GSG1L: variants seen among roughly 807,000 people sequenced by gnomAD.
GSG1L encodes germ cell-specific gene 1-like protein.
Under a neutral mutation model 42.1 loss-of-function variants are expected in GSG1L, and 24 were observed. The observed-to-expected ratio is 0.57, with a 90% CI of 0.41 to 0.80. The LOEUF is 0.80. Among genes scored for constraint, GSG1L ranks in the 30% least tolerant of loss-of-function variants. The pLI is 0.00. For synonymous variants in GSG1L, 215 were observed against 203.5 expected (o/e 1.06, Z -0.48); for missense variants, 445 against 472.2 (o/e 0.94, Z 0.53).
At chr16:27,970,594 G>A (rs2085184421) in intron 1 of GSG1L, among the ~76,000 whole-genome samples, 1 of 151,100 alleles carries the variant, frequency 6.6e-6, no homozygotes, top group Non-Finnish European at 1.5e-5. Context: ...TAGAGATGGG[G>A]TCTCACTATG....
At chr16:27,961,283 A>C (rs2141106086) in intron 2 of GSG1L, among the ~76,000 whole-genome samples, 1 of 152,334 alleles carries the variant, frequency 6.6e-6, no homozygotes, top group Non-Finnish European at 1.5e-5. Flanking sequence ...ACACACGCAC[A>C]CATGCATGTG....
chr16:27,951,613 G>T (rs1159339484), intron 2 of GSG1L, among the ~76,000 whole-genome samples: 1 of 152,190 alleles, frequency 6.6e-6, no homozygotes, highest in African/African-American at 2.4e-5. Context: ...CAGGCAAAAA[G>T]ATGCTCTAGC....
intron 3 of GSG1L, 118 bp from the exon 4 acceptor site, chr16:27,845,179 G>T: frequency 1.6e-6 from 1 of 644,704 alleles, no homozygotes; most frequent in Non-Finnish European, 2.8e-6. Flanking sequence ...TGGAGAACAG[G>T]GACCTCTGGG....
At chr16:27,839,964 C>T (rs1363339722) in intron 4 of GSG1L, among the ~76,000 whole-genome samples, 1 of 152,060 alleles carries the variant, frequency 6.6e-6, no homozygotes, top group African/African-American at 2.4e-5. Context: ...GTGACAGGAC[C>T]AGGCAACTCG....
intron 1 of GSG1L, among the ~76,000 whole-genome samples, chr16:28,029,480 G>A (rs570971777): frequency 6.6e-6 from 1 of 152,270 alleles, no homozygotes; most frequent in South Asian, 2.1e-4. Flanking sequence ...GATGGATTAT[G>A]AATGATGGAA....
intron 1 of GSG1L, among the ~76,000 whole-genome samples, chr16:27,991,108 G>A (rs1304795757): frequency 6.6e-6 from 1 of 152,156 alleles, no homozygotes; most frequent in African/African-American, 2.4e-5. Context: ...TAGAAAAGGG[G>A]AATTGGAGAC....
intron 4 of GSG1L, 25 bp downstream of exon 4, chr16:27,844,925 G>T: frequency 6.8e-7 from 1 of 1,477,654 alleles, no homozygotes; most frequent in Non-Finnish European, 9.4e-7. Context: ...GCCTGAAGCT[G>T]CTCTTGTCCT....
intron 3 of GSG1L, among the ~76,000 whole-genome samples, chr16:27,846,005 T>G (rs1596551685): frequency 6.6e-6 from 1 of 151,980 alleles, no homozygotes; most frequent in South Asian, 2.1e-4. Context: ...CAGGCTCAGT[T>G]GATCCTCCCA....
At chr16:27,824,283 T>A (rs2140961234) in intron 5 of GSG1L, among the ~76,000 whole-genome samples, 1 of 152,238 alleles carries the variant, frequency 6.6e-6, no homozygotes, top group South Asian at 2.1e-4. Flanking sequence ...TCAAAGGGGC[T>A]CAGCGCCTCA....
At chr16:28,004,585 G>A (rs930135934) in intron 1 of GSG1L, among the ~76,000 whole-genome samples, 6 of 81,560 alleles carry the variant, frequency 7.4e-5, no homozygotes, top group Non-Finnish European at 1.8e-4. Context: ...GACCAGCCAG[G>A]GCAACAGAAT....
At chr16:27,936,093 G>A (rs1222343173) in intron 2 of GSG1L, among the ~76,000 whole-genome samples, 1 of 151,522 alleles carries the variant, frequency 6.6e-6, no homozygotes, top group African/African-American at 2.4e-5. Context: ...GCCTTTCAGG[G>A]CACTAAGCCT....
At chr16:27,836,742 A>G (rs185137029) in intron 4 of GSG1L, among the ~76,000 whole-genome samples, 4 of 151,734 alleles carry the variant, frequency 2.6e-5, no homozygotes, top group Non-Finnish European at 5.9e-5. Context: ...GAGACTTTCT[A>G]TTTTTCCAAG....
intron 1 of GSG1L, among the ~76,000 whole-genome samples, chr16:27,972,332 T>C (rs76116562): frequency 0.022 from 3,360 of 152,364 alleles, 46 homozygotes; most frequent in East Asian, 0.069. Flanking sequence ...GATACTTCAA[T>C]GGCCAGAAGT....
At chr16:27,806,040 A>G (rs1165053001) in intron 6 of GSG1L, among the ~76,000 whole-genome samples, 1 of 152,004 alleles carries the variant, frequency 6.6e-6, no homozygotes, top group Non-Finnish European at 1.5e-5. Flanking sequence ...CAGGATTCTC[A>G]ACCTCTATCC....
intron 5 of GSG1L, among the ~76,000 whole-genome samples, chr16:27,825,791 A>T (rs1457966071): frequency 1.3e-5 from 2 of 152,052 alleles, no homozygotes; most frequent in African/African-American, 4.8e-5. Context: ...TTCTCATGAG[A>T]TCTAATGGCT....
At chr16:28,049,442 A>G (rs1481168334) in intron 1 of GSG1L, among the ~76,000 whole-genome samples, 2 of 152,050 alleles carry the variant, frequency 1.3e-5, no homozygotes, top group Admixed American at 1.3e-4. Context: ...ACACTTTGGG[A>G]GGCCAAGGCA....
chr16:28,010,137 G>A (rs1215740329), intron 1 of GSG1L, among the ~76,000 whole-genome samples: 1 of 152,298 alleles, frequency 6.6e-6, no homozygotes, highest in African/African-American at 2.4e-5. Context: ...GAAGGAAGAG[G>A]GGCCAGGAGG....
intron 1 of GSG1L, among the ~76,000 whole-genome samples, chr16:27,979,661 A>AAGAAAGAAAGAAAGAG (rs368394279): frequency 3.1e-4 from 21 of 67,696 alleles, no homozygotes; most frequent in African/African-American, 1.3e-3. Context: ...GAAAGAAAGA[A>AAGAAAGAAAGAAAGAG]AGAGAGAGAG....
intron 3 of GSG1L, among the ~76,000 whole-genome samples, chr16:27,875,337 A>C: frequency 6.6e-6 from 1 of 152,130 alleles, no homozygotes; most frequent in East Asian, 1.9e-4. Flanking sequence ...AGTGGCCCAC[A>C]GTGGTTACCT....
Sources: gnomAD v4.1 joint callset for allele counts (sites outside exome capture counted in the v4.1 genomes callset) on GRCh38, gnomAD v4.1.1 for gene constraint, MANE v1.5 for transcripts, NCBI Gene and HGNC (gene_info 2026-07-23, HGNC 2026-07-21) for gene names.